Variants in CDKAL1 observed in about 807,000 individuals in gnomAD.
CDKAL1 encodes the protein CDKAL1 threonylcarbamoyladenosine tRNA methylthiotransferase.
In CDKAL1, 32 loss-of-function variants were observed where a neutral mutation model predicts 68.2. The ratio of observed to expected loss-of-function variants is 0.47; its 90% confidence interval spans 0.35 to 0.63. The LOEUF is 0.63. Ranked by LOEUF, CDKAL1 falls within the 30% of genes least tolerant of loss-of-function variation. CDKAL1 has a pLI of 0.00. For missense variants in CDKAL1, 606 were observed against 696.7 expected (o/e 0.87, Z 1.47); for synonymous variants, 234 against 244.3 (o/e 0.96, Z 0.39).
chr6:21,201,261 C>T lies in CDKAL1; in HGVS notation c.1535C>T (p.Ser512Leu), dbSNP rs761883828. 1.2e-5 allele frequency: 19 copies of T among 1,608,664 alleles called. No individual in the cohort carries two copies. The highest frequency in any genetic ancestry group is 1.6e-4 in the Middle Eastern group (1 of 6,072). The change falls in exon 15 of 16, where the codon TCG becomes TTG. Residue 512 changes from serine (S) to leucine (L), a missense_variant. Coordinates refer to ENST00000274695, the MANE Select transcript of CDKAL1 (RefSeq NM_017774.3). Reference protein sequence around the residue: ...ISKPLAKGEVSGLTKDFRNGL... With the variant: ...ISKPLAKGEVLGLTKDFRNGL... ...AAACCGCTAGCAAAGGGAGAAGTCTCGGGTTTGACAAAGGTAAGTAAAAGA... is the reference window on the plus strand; with the variant it reads ...AAACCGCTAGCAAAGGGAGAAGTCTTGGGTTTGACAAAGGTAAGTAAAAGA...
At chr6:20,802,954 A>G (rs1776428248) in intron 8 of CDKAL1, among the ~76,000 whole-genome samples, 2 of 152,278 alleles carry the variant, frequency 1.3e-5, no homozygotes, top group Non-Finnish European at 1.5e-5. Flanking sequence ...ACATCCTAAC[A>G]TGTTATCTTG....
intron 8 of CDKAL1, among the ~76,000 whole-genome samples, chr6:20,810,392 T>TCA (rs59104508): frequency 0.016 from 1,884 of 115,560 alleles, 18 homozygotes; most frequent in African/African-American, 0.02. Context: ...TCTCTCTCTG[T>TCA]CACACACACA....
chr6:20,730,056 A>T (rs781101330), intron 5 of CDKAL1, among the ~76,000 whole-genome samples: 6 of 152,218 alleles, frequency 3.9e-5, no homozygotes, highest in Non-Finnish European at 8.8e-5. Context: ...ACAGTGGCTC[A>T]TGCCTGTAAT....
At chr6:20,657,256 G>A (rs769538149) in intron 5 of CDKAL1, among the ~76,000 whole-genome samples, 5 of 152,146 alleles carry the variant, frequency 3.3e-5, no homozygotes, top group Non-Finnish European at 7.3e-5. Flanking sequence ...CATGCGTTTT[G>A]GTTTTCCATG....
chr6:20,835,889 T>C (rs919598894), intron 8 of CDKAL1, among the ~76,000 whole-genome samples: 1 of 152,180 alleles, frequency 6.6e-6, no homozygotes, highest in South Asian at 2.1e-4. Flanking sequence ...ATCTGAAAAA[T>C]GGAGCTTCTA....
At chr6:20,758,258 C>G (rs1329339115) in intron 6 of CDKAL1, among the ~76,000 whole-genome samples, 1 of 152,012 alleles carries the variant, frequency 6.6e-6, no homozygotes, top group Non-Finnish European at 1.5e-5. Flanking sequence ...TCCTGAAGCT[C>G]TGTGTGAGAA....
At chr6:20,929,374 C>T (rs980445263) in intron 9 of CDKAL1, among the ~76,000 whole-genome samples, 3 of 152,064 alleles carry the variant, frequency 2.0e-5, no homozygotes, top group Non-Finnish European at 2.9e-5. Context: ...TGCAGCACAA[C>T]GTAGGAGTAA....
chr6:20,682,122 A>G (rs770033883), intron 5 of CDKAL1, among the ~76,000 whole-genome samples: 7 of 152,086 alleles, frequency 4.6e-5, no homozygotes, highest in Non-Finnish European at 1.0e-4. Context: ...CTAATATCAC[A>G]TTGGTGATTA....
intron 4 of CDKAL1, among the ~76,000 whole-genome samples, chr6:20,610,045 T>C (rs1766550545): frequency 6.6e-6 from 1 of 152,166 alleles, no homozygotes; most frequent in African/African-American, 2.4e-5. Context: ...TTTCTGTTCC[T>C]GTGTCAAGTT....
intron 9 of CDKAL1, among the ~76,000 whole-genome samples, chr6:20,932,617 C>G (rs552567498): frequency 6.6e-6 from 1 of 152,260 alleles, no homozygotes; most frequent in East Asian, 1.9e-4. Context: ...CTTTCCTTAA[C>G]AGAAGGGAAT....
chr6:20,656,868 TA>T (rs1241110467), intron 5 of CDKAL1, among the ~76,000 whole-genome samples: 2 of 152,098 alleles, frequency 1.3e-5, no homozygotes, highest in African/African-American at 4.8e-5. Flanking sequence ...AAAGAAAATT[TA>T]AAAAGATATT....
intron 10 of CDKAL1, among the ~76,000 whole-genome samples, chr6:20,998,566 G>A (rs1319352334): frequency 6.6e-6 from 1 of 151,390 alleles, no homozygotes; most frequent in African/African-American, 2.4e-5. Context: ...AGCTGAGATC[G>A]CGCCAGTGCA....
intron 8 of CDKAL1, among the ~76,000 whole-genome samples, chr6:20,817,437 T>A (rs567794675): frequency 2.6e-5 from 4 of 152,312 alleles, no homozygotes; most frequent in East Asian, 1.9e-4. Context: ...TGTTAGAAGG[T>A]CAGAGAAAGT....
chr6:20,908,047 TG>T (rs1762310988), intron 9 of CDKAL1, among the ~76,000 whole-genome samples: 1 of 152,144 alleles, frequency 6.6e-6, no homozygotes, highest in Admixed American at 6.5e-5. Context: ...CCAAAACTTG[TG>T]CAGATTTCTT....
At chr6:21,011,523 G>A (rs1472355920) in intron 11 of CDKAL1, among the ~76,000 whole-genome samples, 1 of 152,186 alleles carries the variant, frequency 6.6e-6, no homozygotes, top group African/African-American at 2.4e-5. Context: ...CCGTGTGTCT[G>A]GCACTTGTTA....
At chr6:21,160,358 C>G (rs1210853979) in intron 13 of CDKAL1, among the ~76,000 whole-genome samples, 1 of 151,444 alleles carries the variant, frequency 6.6e-6, no homozygotes, top group Non-Finnish European at 1.5e-5. Context: ...AGTACAGTGG[C>G]GCAATCTCGG....
chr6:20,670,512 G>T (rs1216009469), intron 5 of CDKAL1, among the ~76,000 whole-genome samples: 1 of 152,058 alleles, frequency 6.6e-6, no homozygotes, highest in Non-Finnish European at 1.5e-5. Flanking sequence ...ATTAGCTTTT[G>T]ACTTCTCCTT....
At chr6:20,713,071 T>C (rs1437475271) in intron 5 of CDKAL1, among the ~76,000 whole-genome samples, 1 of 152,232 alleles carries the variant, frequency 6.6e-6, no homozygotes, top group Non-Finnish European at 1.5e-5. Context: ...ACTTACTTGA[T>C]GCCTGTAATG....
chr6:20,563,470 T>C (rs1450265995), intron 4 of CDKAL1, among the ~76,000 whole-genome samples: 2 of 152,186 alleles, frequency 1.3e-5, no homozygotes, highest in African/African-American at 2.4e-5. Flanking sequence ...TGTAAAATCA[T>C]GTGCAAGCCA....
Sources: gnomAD v4.1 joint callset for allele counts (sites outside exome capture counted in the v4.1 genomes callset) on GRCh38, gnomAD v4.1.1 for gene constraint, MANE v1.5 for transcripts, NCBI Gene and HGNC (gene_info 2026-07-23, HGNC 2026-07-21) for gene names.